Variants in TADA1 observed in about 807,000 individuals in gnomAD.
The protein encoded by TADA1 is transcriptional adapter 1.
TADA1 carries 23 observed loss-of-function variants against 39.3 expected under a neutral mutation model. That is an observed-to-expected ratio of 0.58 (90% CI 0.42 to 0.83). TADA1 has a LOEUF of 0.83. Among genes scored for constraint, TADA1 ranks in the 40% least tolerant of loss-of-function variants. The pLI, the probability that TADA1 is intolerant of heterozygous loss-of-function variation, is 0.00. For synonymous variants in TADA1, 137 were observed against 151.8 expected (o/e 0.90, Z 0.72); for missense variants, 352 against 408.1 (o/e 0.86, Z 1.18).
rs959998725 is a variant in TADA1, at chr1:166,857,724, G to A, written c.856-5C>T. 1.2e-6 allele frequency: 2 copies of A among 1,607,640 alleles called. No individual in the cohort carries two copies. The highest frequency in any genetic ancestry group is 1.3e-5 in the African/African-American group (1 of 74,766). On this transcript the variant is annotated splice_polypyrimidine_tract_variant and splice_region_variant and intron_variant, in intron 7 of 7. Transcript: ENST00000367874. ...AGGGATGACTTCCCTGTGCACCTGG[G>A]ATTAAAAAATTAACGCATGTCCAAT...
intron 5 of TADA1, 151 bp downstream of exon 5, chr1:166,862,052 G>T: frequency 2.5e-6 from 2 of 794,896 alleles, no homozygotes; most frequent in Non-Finnish European, 4.0e-6. Context: ...AAGTGATGCT[G>T]TCTCAAAAAA....
In TADA1 at chr1:166,857,478, C is replaced by T; in HGVS notation, c.*89G>A. ...TAGGAAAGGTTATATATACACTATACACTTCAGCCTTGAAATGTGGACCCA... is the reference window on the plus strand; with the variant it reads ...TAGGAAAGGTTATATATACACTATATACTTCAGCCTTGAAATGTGGACCCA... On this transcript the variant is annotated 3_prime_UTR_variant, in exon 8 of 8. Coordinates refer to ENST00000367874, the MANE Select transcript of TADA1 (RefSeq NM_053053.4). The T allele has an allele frequency of 6.9e-7, 1 of 1,449,140 alleles. No homozygotes were observed. The allele number at this position is 1,449,140 out of a possible 1,614,324, so 89.8% of individuals were successfully genotyped here. A position where few individuals can be genotyped will look rare whatever the true frequency, so the allele number is the denominator to read the frequency against.
chr1:166,870,733 G>A (rs1658639360), intron 1 of TADA1, among the ~76,000 whole-genome samples: 1 of 152,178 alleles, frequency 6.6e-6, no homozygotes, highest in South Asian at 2.1e-4. Context: ...GGAGGCTGAA[G>A]TGGAGGGACT....
Position 166,863,891 on chromosome 1 carries a change from C to A in TADA1, c.263G>T (p.Gly88Val), listed in dbSNP as rs746602091. ...DGAGSLPWPG[G>V]SAAKPGKPKG... ...GGGTTTTCCAGGTTTTGCTGCGGAA[C>A]CCCCTGGCCAAGGCAAAGATCCAGC... The change falls in exon 4 of 8, where the codon GGT becomes GTT. Residue 88 changes from glycine to valine, a missense_variant. Transcript: ENST00000367874. The A allele has an allele frequency of 6.2e-7, 1 of 1,610,670 alleles. No homozygotes were observed. The highest frequency in any genetic ancestry group is 8.5e-7 in the Non-Finnish European group (1 of 1,179,190).
In TADA1 at chr1:166,857,183, G is replaced by A. The variant is rs1285583566; in HGVS notation, c.*384C>T. ...AATTTTAGACTTCTAGATACAGAATGTATGATGTCACTGAACACACAGATA... is the reference window on the plus strand; with the variant it reads ...AATTTTAGACTTCTAGATACAGAATATATGATGTCACTGAACACACAGATA... On this transcript the variant is annotated 3_prime_UTR_variant, in exon 8 of 8. Coordinates refer to ENST00000367874, the MANE Select transcript of TADA1 (RefSeq NM_053053.4). The A allele has an allele frequency of 5.9e-6, 1 of 169,396 alleles. No individual in the cohort carries two copies. Among genetic ancestry groups the A allele is most frequent in the Non-Finnish European group, 1.3e-5 (1 of 78,940 alleles). 10.5% of individuals were successfully genotyped at this position (169,396 alleles called of 1,614,324 possible).
intron 6 of TADA1, among the ~76,000 whole-genome samples, chr1:166,858,516 C>A (rs938171888): frequency 2.0e-5 from 3 of 152,140 alleles, no homozygotes; most frequent in Non-Finnish European, 4.4e-5. Flanking sequence ...TTACCTAGCT[C>A]AGGATACTGA....
chr1:166,869,112 C>A, intron 3 of TADA1: 1 of 332,084 alleles, frequency 3.0e-6, no homozygotes, highest in Non-Finnish European at 6.0e-6. Context: ...AATTGCATAG[C>A]TCATTTGTGA....
intron 3 of TADA1, among the ~76,000 whole-genome samples, chr1:166,865,082 T>TA (rs1179908298): frequency 4.4e-4 from 58 of 132,724 alleles, no homozygotes; most frequent in African/African-American, 1.3e-3. Flanking sequence ...AAGAGCAAGC[T>TA]AAAAAAATAA....
intron 1 of TADA1, among the ~76,000 whole-genome samples, chr1:166,872,399 C>A (rs548934278): frequency 7.9e-5 from 12 of 152,140 alleles, no homozygotes; most frequent in African/African-American, 2.7e-4. Flanking sequence ...AGGCCGGGCG[C>A]GGTGGCTCAT....
rs1658376778 is a variant in TADA1, at chr1:166,860,251, G to GC, written c.626dup (p.Ser210GlnfsTer2). The GC allele has an allele frequency of 6.2e-7, 1 of 1,613,958 alleles. No individual in the cohort carries two copies. The highest frequency in any genetic ancestry group is 8.5e-7 in the Non-Finnish European group (1 of 1,179,986). ...GGTATGGCTGCGGGGTCACGTTACT[G>GC]CCAAAGGCATATTTAAAATGACCAT... On this transcript the variant is annotated frameshift_variant, in exon 6 of 8. Coordinates refer to ENST00000367874, the MANE Select transcript of TADA1 (RefSeq NM_053053.4). LOFTEE classifies it high-confidence loss of function.
At position 166,857,264 on chromosome 1, in the gene TADA1, T is replaced by C. The variant is rs1658298399; in HGVS notation, c.*303A>G. 1.1e-5 allele frequency: 3 copies of C among 275,520 alleles called. No homozygotes were observed. The South Asian group carries it at 2.7e-4, about 25-fold the overall frequency. The allele number at this position is 275,520 out of a possible 1,614,324, so 17.1% of individuals were successfully genotyped here. On this transcript the variant is annotated 3_prime_UTR_variant, in exon 8 of 8. Transcript: ENST00000367874. The stretch of plus-strand genomic sequence containing the variant: ...AGCTTCTTTGTTCTAGGATGTCATC[T>C]ATCTTACATGCAGACCACAGGACAC...
chr1:166,863,930 C>T lies in TADA1; in HGVS notation c.233-9G>A. 1 of 1,587,160 alleles carries T rather than the reference C, an allele frequency of 6.3e-7. No individual in the cohort carries two copies. The highest frequency in any genetic ancestry group is 8.5e-7 in the Non-Finnish European group (1 of 1,171,998). On this transcript the variant is annotated splice_polypyrimidine_tract_variant and intron_variant, in intron 3 of 7. Transcript: ENST00000367874. ...CAAAGATCCAGCACCATCTAGGAGA[C>T]AGAAATATATAACCATAAGTAAAAA...
At chr1:166,865,630 G>A (rs1658512478) in intron 3 of TADA1, among the ~76,000 whole-genome samples, 1 of 151,886 alleles carries the variant, frequency 6.6e-6, no homozygotes, top group South Asian at 2.1e-4. Flanking sequence ...TGGCTAACAT[G>A]GTGAAACCCT....
rs1356532309 is a variant in TADA1 at position 166,857,480 on chromosome 1, C to T, written c.*87G>A. On this transcript the variant is annotated 3_prime_UTR_variant, in exon 8 of 8. Transcript: ENST00000367874. The stretch of plus-strand genomic sequence containing the variant: ...GGAAAGGTTATATATACACTATACA[C>T]TTCAGCCTTGAAATGTGGACCCAAA... 19 of 1,474,702 alleles carry T rather than the reference C, an allele frequency of 1.3e-5. No individual in the cohort carries two copies. Among genetic ancestry groups the T allele is most frequent in the Non-Finnish European group, 1.8e-5 (19 of 1,072,346 alleles). 91.4% of individuals were successfully genotyped at this position (1,474,702 alleles called of 1,614,324 possible).
intron 1 of TADA1, among the ~76,000 whole-genome samples, chr1:166,874,231 C>T (rs1658717177): frequency 6.6e-6 from 1 of 151,696 alleles, no homozygotes; most frequent in Non-Finnish European, 1.5e-5. Flanking sequence ...ATCCCAGCTA[C>T]TCAGGAGGCT....
At chr1:166,859,699 T>C (rs1291437180) in intron 6 of TADA1, among the ~76,000 whole-genome samples, 4 of 152,050 alleles carry the variant, frequency 2.6e-5, no homozygotes, top group East Asian at 3.9e-4. Flanking sequence ...AAGCAAGTGA[T>C]GACACCAGGC....
chr1:166,871,755 G>C (rs1284631058), intron 1 of TADA1, among the ~76,000 whole-genome samples: 1 of 151,604 alleles, frequency 6.6e-6, no homozygotes, highest in Non-Finnish European at 1.5e-5. Context: ...TTAAAGGACA[G>C]GAATAATAAT....
In TADA1 at chr1:166,859,937, G is replaced by A. The variant is rs529975147; in HGVS notation, c.692+249C>T. Among the ~76,000 whole-genome samples the A allele has an allele frequency of 1.2e-3, 184 of 152,264 alleles. 1 individual carries two copies. Among genetic ancestry groups the A allele is most frequent in the African/African-American group, 2.1e-3 (86 of 41,560 alleles). ...CTACTCCACTGCACCTAAGAAAGTC[G>A]GGGCGGGGGGACAAGCACATTAAAC... On this transcript the variant is annotated intron_variant, in intron 6 of 7. Transcript: ENST00000367874.
chr1:166,865,615 C>T (rs1320362340), intron 3 of TADA1, among the ~76,000 whole-genome samples: 1 of 151,854 alleles, frequency 6.6e-6, no homozygotes, highest in Non-Finnish European at 1.5e-5. Flanking sequence ...AGATCAAGAC[C>T]ATCCTGGCTA....
Sources: allele counts gnomAD v4.1 joint callset (sites outside exome capture counted in the v4.1 genomes callset), GRCh38; gene constraint gnomAD v4.1.1; transcripts MANE v1.5; gene names NCBI Gene and HGNC (gene_info 2026-07-23, HGNC 2026-07-21).